The following NTRK3 variants were observed in gnomAD, a reference collection of about 807,000 sequenced individuals.
The protein encoded by NTRK3 is NT-3 growth factor receptor.
A neutral mutation model predicts 91.7 loss-of-function variants in NTRK3; 24 were observed. The ratio of observed to expected loss-of-function variants is 0.26; its 90% CI spans 0.19 to 0.37. The LOEUF (loss-of-function observed/expected upper bound fraction) is 0.37, where lower values mean the gene tolerates loss of function less well. Among genes scored for constraint, NTRK3 ranks in the 10% least tolerant of loss-of-function variants. The probability of loss-of-function intolerance (pLI) is 1.00; values close to 1 mark genes in which losing one functional copy is unlikely to be tolerated. For synonymous variants in NTRK3, 483 were observed against 404.0 expected, an observed-to-expected ratio of 1.20 and a Z score of -2.34; for missense variants, 880 against 1,068.9, an observed-to-expected ratio of 0.82 and a Z score of 2.46.
intron 3 of NTRK3, among the ~76,000 whole-genome samples, chr15:88,191,820 G>T (rs1388763082): frequency 6.6e-6 from 1 of 152,266 alleles, no homozygotes; most frequent in Non-Finnish European, 1.5e-5. Flanking sequence ...GGGCTGGGAA[G>T]GAGCGCATGG....
At chr15:88,220,474 G>A (rs984046190) in intron 3 of NTRK3, among the ~76,000 whole-genome samples, 1 of 152,218 alleles carries the variant, frequency 6.6e-6, no homozygotes, top group Non-Finnish European at 1.5e-5. Context: ...CTGCCACTCA[G>A]TAGCTGTGTG....
intron 13 of NTRK3, among the ~76,000 whole-genome samples, chr15:88,076,175 G>T (rs981354270): frequency 6.6e-6 from 1 of 152,214 alleles, no homozygotes; most frequent in African/African-American, 2.4e-5. Flanking sequence ...GAAGGCTAAG[G>T]TGGAAGCAAG....
chr15:88,103,334 T>A (rs2050367174), intron 13 of NTRK3, among the ~76,000 whole-genome samples: 1 of 152,108 alleles, frequency 6.6e-6, no homozygotes, highest in Admixed American at 6.5e-5. Context: ...AAGACCACAA[T>A]ATCAACTCCT....
At chr15:88,125,458 C>A (rs2151097729) in intron 13 of NTRK3, among the ~76,000 whole-genome samples, 1 of 152,224 alleles carries the variant, frequency 6.6e-6, no homozygotes, top group Non-Finnish European at 1.5e-5. Context: ...ACTTATCAAA[C>A]CTCGTATCAT....
intron 13 of NTRK3, among the ~76,000 whole-genome samples, chr15:88,075,996 T>G (rs2047511557): frequency 6.6e-6 from 1 of 152,214 alleles, no homozygotes; most frequent in South Asian, 2.1e-4. Flanking sequence ...ACACTGGTTT[T>G]GATGGTGGTG....
At chr15:88,073,840 G>A (rs1161992014) in intron 13 of NTRK3, among the ~76,000 whole-genome samples, 1 of 152,028 alleles carries the variant, frequency 6.6e-6, no homozygotes, top group Non-Finnish European at 1.5e-5. Context: ...GCAAGACAGG[G>A]GTGTTCATGG....
rs540003428 is a variant in NTRK3 at position 88,091,043 on chromosome 15, A to C, written c.1396+35228T>G. The stretch of plus-strand genomic sequence containing the variant: ...TCTAATCCCTGTAACTCCTGTGTGA[A>C]CCCTGGGCCCCAGAGGAAAGTCAGG... On this transcript the variant is annotated intron_variant, in intron 13 of 18. Coordinates refer to ENST00000394480, the Ensembl canonical transcript of NTRK3. 1.3e-4 allele frequency among the ~76,000 whole-genome samples: 20 copies of C among 152,260 alleles called. 1 individual carries two copies. In the South Asian group the frequency reaches 3.9e-3, roughly 30 times the overall value.
chr15:88,088,079 C>A (rs565662604), intron 13 of NTRK3, among the ~76,000 whole-genome samples: 3 of 152,120 alleles, frequency 2.0e-5, no homozygotes, highest in Admixed American at 6.6e-5. Context: ...ATACTTCCAG[C>A]TGATTGTGTG....
intron 14 of NTRK3, among the ~76,000 whole-genome samples, chr15:88,014,224 C>T (rs555663802): frequency 1.3e-5 from 2 of 152,158 alleles, no homozygotes; most frequent in Non-Finnish European, 2.9e-5. Context: ...GTCAGACATT[C>T]CTTATTAAAT....
chr15:87,989,256 A>G (rs909839477), intron 14 of NTRK3, among the ~76,000 whole-genome samples: 3 of 152,350 alleles, frequency 2.0e-5, no homozygotes, highest in African/African-American at 7.2e-5. Flanking sequence ...ACCAACCCAA[A>G]TGTCCATCAA....
rs542205293 is a variant in NTRK3, at chr15:88,136,607, G to T, written c.625C>A (p.Leu209Ile). ...ACGTGGCTCACGCTGATCTCAGGAA[G>T]GTCTGGGAGCCAGACAAAGTGGGTG... Residue 209 changes from leucine (L) to isoleucine (I), a missense_variant and splice_region_variant, in exon 8 of 19, where the codon CTT (leucine) becomes ATT (isoleucine). Physicochemically the swap from Leu to Ile is conservative, Grantham distance 5. This residue lies in a region of NTRK3 where 743 missense variants were observed against 868.6 expected (regional missense o/e 0.86). Coordinates refer to ENST00000394480, the Ensembl canonical transcript of NTRK3. 1.0e-4 allele frequency: 167 copies of T among 1,612,352 alleles called. 4 individuals are homozygous for T. In the South Asian group the frequency reaches 1.8e-3, roughly 17 times the overall value.
intron 14 of NTRK3, among the ~76,000 whole-genome samples, chr15:87,960,958 CCT>C (rs1297698173): frequency 6.6e-6 from 1 of 152,216 alleles, no homozygotes; most frequent in Non-Finnish European, 1.5e-5. Flanking sequence ...ACTTCACCCC[CCT>C]GACTTTACCT....
chr15:88,110,698 T>C (rs527993479), intron 13 of NTRK3, among the ~76,000 whole-genome samples: 6 of 152,290 alleles, frequency 3.9e-5, no homozygotes, highest in African/African-American at 1.4e-4. Context: ...ATGAGGAACC[T>C]CAGTCTTAGG....
intron 17 of NTRK3, among the ~76,000 whole-genome samples, chr15:87,918,276 C>T (rs1439616389): frequency 4.6e-5 from 7 of 152,212 alleles, no homozygotes; most frequent in Admixed American, 1.3e-4. Context: ...TGACCTGATT[C>T]ACACCTCAAC....
intron 13 of NTRK3, among the ~76,000 whole-genome samples, chr15:88,083,964 C>T (rs1264365814): frequency 1.3e-5 from 2 of 152,084 alleles, no homozygotes; most frequent in Non-Finnish European, 2.9e-5. Context: ...TTAACAAACA[C>T]TCTTCCCCTA....
chr15:87,869,866 T>C (rs1332518730), exon 19 of NTRK3: 1 of 192,304 alleles, frequency 5.2e-6, no homozygotes, highest in Admixed American at 6.1e-5. Context: ...TGTCCTACCA[T>C]TTAACATATT....
intron 13 of NTRK3, among the ~76,000 whole-genome samples, chr15:88,062,975 G>A (rs2046346832): frequency 6.6e-6 from 1 of 152,208 alleles, no homozygotes; most frequent in South Asian, 2.1e-4. Flanking sequence ...GTGGTGAGTA[G>A]GGGGGCTTCC....
At chr15:88,185,845 G>A (rs1319910908) in intron 3 of NTRK3, among the ~76,000 whole-genome samples, 1 of 152,226 alleles carries the variant, frequency 6.6e-6, no homozygotes, top group African/African-American at 2.4e-5. Flanking sequence ...GCATTTCAGA[G>A]CCACACGGTG....
rs767789126 is a variant in NTRK3 at position 88,136,572 on chromosome 15, G to A, written c.660C>T (p.Thr220=). The A allele has an allele frequency of 7.8e-5, 126 of 1,613,484 alleles. No individual in the cohort carries two copies. Among genetic ancestry groups the A allele is most frequent in the African/African-American group, 1.2e-4 (9 of 74,900 alleles). ...TAACAGCGTTGTCACCCTCTCGTAC[G>A]GTCAGGTTGACGTGGCTCACGCTGA... The change falls in exon 8 of 19, where the codon ACC becomes ACT. Residue 220 remains threonine, a synonymous_variant. Coordinates refer to ENST00000394480, the Ensembl canonical transcript of NTRK3.
Sources: gnomAD v4.1 joint callset for allele counts (sites outside exome capture counted in the v4.1 genomes callset) on GRCh38, gnomAD v4.1.1 for gene constraint, gnomAD v4.1.1 regional missense constraint, MANE v1.5 for transcripts, NCBI Gene and HGNC (gene_info 2026-07-23, HGNC 2026-07-21) for gene names.